The following CSMD3 variants were observed in gnomAD, a reference collection of about 807,000 sequenced individuals.
CSMD3 encodes CUB and sushi domain-containing protein 3.
In CSMD3, 177 loss-of-function variants were observed where a neutral mutation model predicts 435.2. The observed-to-expected ratio is 0.41, with a 90% CI of 0.36 to 0.46. CSMD3 has a LOEUF of 0.46. CSMD3 is among the 20% of genes least tolerant of loss of function. The pLI is 0.34. For missense variants in CSMD3, 4,265 were observed against 4,504.6 expected (o/e 0.95, Z 1.52); for synonymous variants, 1,656 against 1,520.5 (o/e 1.09, Z -2.07).
intron 6 of CSMD3, among the ~76,000 whole-genome samples, chr8:112,977,714 C>T (rs150148982): frequency 1.4e-4 from 21 of 152,018 alleles, no homozygotes; most frequent in African/African-American, 4.1e-4. Flanking sequence ...TGAGGTATGA[C>T]GATTATCAAA....
At chr8:113,042,698 A>T (rs16884294) in intron 5 of CSMD3, among the ~76,000 whole-genome samples, 14,604 of 152,178 alleles carry the variant, frequency 0.096, 1,056 homozygotes, top group African/African-American at 0.2. Context: ...CTAGTGTTAA[A>T]TACCAAGTGT....
chr8:112,930,633 G>C (rs986231208), intron 9 of CSMD3, among the ~76,000 whole-genome samples: 1 of 151,970 alleles, frequency 6.6e-6, no homozygotes, highest in Non-Finnish European at 1.5e-5. Flanking sequence ...TATTTGAATA[G>C]AGCATTCTAG....
chr8:112,846,226 A>AATTCTTTTTTAACATGTTAAAAAAGAAAT (rs1028762231), intron 11 of CSMD3, among the ~76,000 whole-genome samples: 6 of 151,692 alleles, frequency 4.0e-5, no homozygotes, highest in African/African-American at 7.3e-5. Context: ...TAAAAAAGAT[A>AATTCTTTTTTAACATGTTAAAAAAGAAAT]ATTCTTTTTT....
At chr8:112,277,871 G>T (rs1818229073) in intron 59 of CSMD3, among the ~76,000 whole-genome samples, 1 of 152,026 alleles carries the variant, frequency 6.6e-6, no homozygotes, top group Admixed American at 6.6e-5. Flanking sequence ...AGAACAGTAT[G>T]GGGGAAACTG....
chr8:112,600,888 A>C (rs1448954098), intron 22 of CSMD3, among the ~76,000 whole-genome samples: 3 of 152,078 alleles, frequency 2.0e-5, no homozygotes, highest in African/African-American at 7.2e-5. Flanking sequence ...CGTGTTAGCC[A>C]GGATGGTCTC....
intron 13 of CSMD3, among the ~76,000 whole-genome samples, chr8:112,705,801 T>C (rs2076487268): frequency 6.6e-6 from 1 of 152,092 alleles, no homozygotes; most frequent in African/African-American, 2.4e-5. Flanking sequence ...AATGTAAATG[T>C]TTTAAAACTC....
intron 16 of CSMD3, among the ~76,000 whole-genome samples, chr8:112,673,007 A>C (rs1195651024): frequency 6.6e-6 from 1 of 152,092 alleles, no homozygotes; most frequent in Non-Finnish European, 1.5e-5. Context: ...GTTGGGGACC[A>C]TGGGCTAAGC....
chr8:112,388,363 A>C (rs1390657276), intron 36 of CSMD3, among the ~76,000 whole-genome samples: 1 of 152,190 alleles, frequency 6.6e-6, no homozygotes, highest in Non-Finnish European at 1.5e-5. Context: ...ACTGCAGGAG[A>C]ATAAGAACCT....
intron 11 of CSMD3, among the ~76,000 whole-genome samples, chr8:112,834,580 G>T (rs76229826): frequency 0.032 from 4,913 of 151,648 alleles, 101 homozygotes; most frequent in Middle Eastern, 0.052. Context: ...ATTCTATAAT[G>T]TAATAAGTAA....
At chr8:112,695,697 T>C (rs187369571) in intron 13 of CSMD3, among the ~76,000 whole-genome samples, 56 of 152,228 alleles carry the variant, frequency 3.7e-4, no homozygotes, top group Admixed American at 3.3e-3. Flanking sequence ...TCTCTCACCA[T>C]TCCTATTCAA....
chr8:113,431,338 G>C lies in CSMD3; in HGVS notation c.178+5339C>G, dbSNP rs1281407089. The stretch of plus-strand genomic sequence containing the variant: ...AAAATAGCTAAAGCTATGTTTTAAT[G>C]TACATGTAAATAAACTAAAGTGTTC... On this transcript the variant is annotated intron_variant, in intron 1 of 70. Transcript: ENST00000297405. Among the ~76,000 whole-genome samples, 5 of 152,266 alleles carry C rather than the reference G, an allele frequency of 3.3e-5. No individual in the cohort carries two copies. The East Asian group carries it at 7.7e-4, about 23-fold the overall frequency.
intron 5 of CSMD3, among the ~76,000 whole-genome samples, chr8:113,079,274 A>C (rs1364995094): frequency 6.6e-6 from 1 of 152,180 alleles, no homozygotes; most frequent in Non-Finnish European, 1.5e-5. Context: ...TGGAAAATAC[A>C]TTCCTAGCAA....
At position 112,637,102 on chromosome 8, in the gene CSMD3, C is replaced by A. The variant is rs536555180; in HGVS notation, c.3527-97G>T. On this transcript the variant is annotated intron_variant, in intron 21 of 70. Transcript: ENST00000297405. ...AGGTATATTCCTATTGTTTTTAGAA[C>A]CTAGTCATATATTTAGAAGGGACTA... The A allele has an allele frequency of 1.7e-4, 158 of 949,838 alleles. No individual in the cohort carries two copies. The African/African-American group carries it at 2.4e-3, about 15-fold the overall frequency. 58.8% of individuals were successfully genotyped at this position (949,838 alleles called of 1,614,324 possible).
At chr8:112,831,557 GTTT>G (rs5894109) in intron 11 of CSMD3, among the ~76,000 whole-genome samples, 42 of 142,998 alleles carry the variant, frequency 2.9e-4, no homozygotes, top group East Asian at 1.9e-3. Flanking sequence ...ATGTAAAAGT[GTTT>G]TTTTTTTTTT....
chr8:112,982,836 A>C (rs1263631791), intron 6 of CSMD3, among the ~76,000 whole-genome samples: 1 of 152,010 alleles, frequency 6.6e-6, no homozygotes, highest in East Asian at 1.9e-4. Context: ...TTAATACTTA[A>C]TGATGGCAAA....
chr8:112,317,822 G>C (rs1271052331), intron 47 of CSMD3, among the ~76,000 whole-genome samples: 1 of 151,922 alleles, frequency 6.6e-6, no homozygotes, highest in African/African-American at 2.4e-5. Context: ...ATAATAATCA[G>C]AAGTTACTTT....
At chr8:113,156,538 T>C (rs191119691) in intron 4 of CSMD3, among the ~76,000 whole-genome samples, 23 of 151,932 alleles carry the variant, frequency 1.5e-4, no homozygotes, top group African/African-American at 5.3e-4. Context: ...GTCTACTCTT[T>C]CTCTTTTTAT....
At chr8:113,156,665 C>T (rs2131814433) in intron 4 of CSMD3, among the ~76,000 whole-genome samples, 1 of 151,506 alleles carries the variant, frequency 6.6e-6, no homozygotes, top group South Asian at 2.1e-4. Flanking sequence ...TTTTGGGAGG[C>T]TGAGGAAGGT....
chr8:113,358,369 T>C (rs2094247524), intron 1 of CSMD3, among the ~76,000 whole-genome samples: 1 of 152,032 alleles, frequency 6.6e-6, no homozygotes, highest in African/African-American at 2.4e-5. Context: ...AACTTTTTTT[T>C]TGAGATGTAG....
Sources: allele counts gnomAD v4.1 joint callset (sites outside exome capture counted in the v4.1 genomes callset), GRCh38; gene constraint gnomAD v4.1.1; transcripts MANE v1.5; gene names NCBI Gene and HGNC (gene_info 2026-07-23, HGNC 2026-07-21).